Variants in RGPD2 observed in about 807,000 individuals in gnomAD.
RGPD2 encodes the protein RANBP2 like and GRIP domain containing 2.
RGPD2 carries 2 observed loss-of-function variants against 36.0 expected under a neutral mutation model. That is an observed-to-expected ratio of 0.06 (90% CI 0.02 to 0.17). The LOEUF (loss-of-function observed/expected upper bound fraction) is 0.17. Among genes scored for constraint, RGPD2 ranks in the 10% least tolerant of loss-of-function variants. RGPD2 has a pLI of 1.00. For synonymous variants in RGPD2, 19 were observed against 163.8 expected, an observed-to-expected ratio of 0.12 and a Z score of 6.75; for missense variants, 40 against 464.3, an observed-to-expected ratio of 0.09 and a Z score of 8.40.
At chr2:87,802,485 CAG>C (rs1685861534) in intron 7 of RGPD2, among the ~76,000 whole-genome samples, 1 of 150,134 alleles carries the variant, frequency 6.7e-6, no homozygotes, top group Non-Finnish European at 1.5e-5. Context: ...CCTTTAAAGA[CAG>C]GGGATATATG....
intron 22 of RGPD2, among the ~76,000 whole-genome samples, chr2:87,762,527 A>T (rs1380876694): frequency 2.3e-5 from 3 of 129,538 alleles, no homozygotes; most frequent in Non-Finnish European, 3.1e-5. Context: ...GGAAACAGCG[A>T]GACTGTCTCA....
At chr2:87,842,178 T>C in the RGPD2 span, among the ~76,000 whole-genome samples, 2 of 151,956 alleles carry the variant, frequency 1.3e-5, no homozygotes, top group Non-Finnish European at 2.9e-5. Context: ...CTCACCACTC[T>C]TATTCAACAT....
At chr2:87,980,627 GAGGAATTGAT>G in the RGPD2 span, 2 of 160,672 alleles carry the variant, frequency 1.2e-5, no homozygotes, top group African/African-American at 7.7e-5. Context: ...TGGAAAGATA[GAGGAATTGAT>G]AGGAATACCA....
intron 1 of RGPD2, among the ~76,000 whole-genome samples, chr2:87,824,622 T>G (rs1049818405): frequency 1.3e-5 from 2 of 151,154 alleles, no homozygotes; most frequent in Non-Finnish European, 3.0e-5. Context: ...TAATCCATAT[T>G]CCGTTGAAAT....
chr2:87,875,207 C>A, the RGPD2 span, among the ~76,000 whole-genome samples: 4 of 152,040 alleles, frequency 2.6e-5, no homozygotes, highest in African/African-American at 9.7e-5. Context: ...CTTTCTCTTG[C>A]CTCATTGCCC....
chr2:87,822,336 G>A (rs550869558), intron 1 of RGPD2, among the ~76,000 whole-genome samples: 126 of 150,876 alleles, frequency 8.4e-4, no homozygotes, highest in South Asian at 2.5e-3. Flanking sequence ...TACAAGAAAC[G>A]CTACAGAACT....
Position 87,769,618 on chromosome 2 carries a change from T to G in RGPD2, c.5236+2551A>C, listed in dbSNP as rs568213102. ...TTAGCAACGTCTACATTAAACATGCTGAGCTTTTAAAAGAGACCTGTTAGA... is the reference window on the plus strand; with the variant it reads ...TTAGCAACGTCTACATTAAACATGCGGAGCTTTTAAAAGAGACCTGTTAGA... On this transcript the variant is annotated intron_variant, in intron 22 of 22. Transcript: ENST00000398146. 4.6e-5 allele frequency among the ~76,000 whole-genome samples: 7 copies of G among 152,006 alleles called. No individual in the cohort carries two copies. In the South Asian group the frequency reaches 1.5e-3, roughly 32 times the overall value.
At chr2:87,824,428 G>A (rs926403146) in intron 1 of RGPD2, among the ~76,000 whole-genome samples, 1 of 151,998 alleles carries the variant, frequency 6.6e-6, no homozygotes, top group African/African-American at 2.4e-5. Flanking sequence ...TAGAAAGCAT[G>A]GGCAGTTCAC....
At chr2:87,807,380 GTTTTTTT>G (rs992462711) in intron 6 of RGPD2, among the ~76,000 whole-genome samples, 10 of 81,972 alleles carry the variant, frequency 1.2e-4, no homozygotes, top group East Asian at 3.6e-4. Context: ...GCGTTAAATT[GTTTTTTT>G]TTTTTTTTTT....
the RGPD2 span, among the ~76,000 whole-genome samples, chr2:87,864,336 G>T: frequency 1.3e-5 from 2 of 152,234 alleles, no homozygotes; most frequent in Non-Finnish European, 2.9e-5. Flanking sequence ...TGGTTCTTAG[G>T]CCTTTGCATT....
intron 7 of RGPD2, among the ~76,000 whole-genome samples, chr2:87,802,486 AG>A (rs1215516838): frequency 6.7e-6 from 1 of 150,222 alleles, no homozygotes; most frequent in Non-Finnish European, 1.5e-5. Context: ...CTTTAAAGAC[AG>A]GGGATATATG....
At chr2:87,824,290 G>T (rs1028859756) in intron 1 of RGPD2, among the ~76,000 whole-genome samples, 3 of 151,724 alleles carry the variant, frequency 2.0e-5, no homozygotes, top group African/African-American at 7.3e-5. Flanking sequence ...TTTTTAAGAA[G>T]GGCAAAAGCA....
At chr2:87,879,403 T>C in the RGPD2 span, among the ~76,000 whole-genome samples, 1 of 151,750 alleles carries the variant, frequency 6.6e-6, no homozygotes, top group Non-Finnish European at 1.5e-5. Context: ...TTCTTTCTAT[T>C]TTTTTTTCTT....
At chr2:87,973,032 C>T in the RGPD2 span, 419 of 1,594,970 alleles carry the variant, frequency 2.6e-4, no homozygotes, top group East Asian at 8.2e-3. Context: ...AAGCCCCCAG[C>T]CTACGAGGAT....
the RGPD2 span, among the ~76,000 whole-genome samples, chr2:87,915,637 T>A: frequency 3.4e-5 from 5 of 147,458 alleles, no homozygotes; most frequent in East Asian, 9.8e-4. Context: ...TGTGCGTGTA[T>A]ATATATACAC....
At chr2:87,809,771 T>C (rs1230135291) in intron 6 of RGPD2, among the ~76,000 whole-genome samples, 1 of 151,396 alleles carries the variant, frequency 6.6e-6, no homozygotes, top group Non-Finnish European at 1.5e-5. Flanking sequence ...ATGGTCCGGA[T>C]TCTCCCCTGA....
the RGPD2 span, among the ~76,000 whole-genome samples, chr2:87,912,085 T>A: frequency 6.6e-6 from 1 of 152,046 alleles, no homozygotes; most frequent in Non-Finnish European, 1.5e-5. Flanking sequence ...TCTGAATTGT[T>A]TCCACCCATT....
At chr2:87,854,742 C>T in the RGPD2 span, among the ~76,000 whole-genome samples, 123 of 151,972 alleles carry the variant, frequency 8.1e-4, no homozygotes, top group Non-Finnish European at 1.5e-3. Flanking sequence ...AGTATTCTAC[C>T]GTATGAATGC....
the RGPD2 span, among the ~76,000 whole-genome samples, chr2:87,866,402 TG>T: frequency 6.6e-6 from 1 of 152,212 alleles, no homozygotes; most frequent in Non-Finnish European, 1.5e-5. Context: ...TTTTGTTTGC[TG>T]CTCTACACTT....
Sources: allele counts gnomAD v4.1 joint callset (sites outside exome capture counted in the v4.1 genomes callset), GRCh38; gene constraint gnomAD v4.1.1; transcripts MANE v1.5; gene names NCBI Gene and HGNC (gene_info 2026-07-23, HGNC 2026-07-21).